Variants in RGS3 observed in about 807,000 individuals in gnomAD.
The protein encoded by RGS3 is regulator of G protein signaling 3.
RGS3 carries 80 observed loss-of-function variants against 132.6 expected under a neutral mutation model. The observed-to-expected ratio is 0.60, with a 90% confidence interval of 0.50 to 0.73. The LOEUF (loss-of-function observed/expected upper bound fraction) is 0.73, where lower values mean the gene tolerates loss of function less well. RGS3 is among the 30% of genes least tolerant of loss of function. The probability of loss-of-function intolerance (pLI) is 0.00; values close to 1 mark genes in which losing one functional copy is unlikely to be tolerated. For synonymous variants in RGS3, 598 were observed against 620.6 expected, an observed-to-expected ratio of 0.96 and a Z score of 0.54; for missense variants, 1,382 against 1,530.8, an observed-to-expected ratio of 0.90 and a Z score of 1.62.
At chr9:113,459,502 C>T (rs750402179), upstream of RGS3, among the ~76,000 whole-genome samples, 34 of 152,158 alleles carry the variant, frequency 2.2e-4, 1 homozygote, top group East Asian at 5.8e-4. Flanking sequence ...ATAATCCCAG[C>T]GCTGTGGGAG....
chr9:113,546,435 G>A (rs952525934), intron 19 of RGS3, among the ~76,000 whole-genome samples: 2 of 152,146 alleles, frequency 1.3e-5, no homozygotes, highest in African/African-American at 4.8e-5. Context: ...ATTTGTCTTT[G>A]ATTCTATTGT....
Position 113,508,587 on chromosome 9 carries a change from C to T in RGS3, c.1477+7C>T. On this transcript the variant is annotated splice_region_variant and intron_variant, in intron 14 of 24. Coordinates refer to ENST00000350696, the Ensembl canonical transcript of RGS3. The stretch of plus-strand genomic sequence containing the variant: ...GAGGATACCATCCCCGAAGGTGAGT[C>T]TCCTGCTGCTGCTGTGCCCTCCTAG... 3 of 1,611,774 alleles carry T rather than the reference C, an allele frequency of 1.9e-6. No homozygotes were observed. The highest frequency in any genetic ancestry group is 2.5e-6 in the Non-Finnish European group (3 of 1,179,976).
intron 19 of RGS3, among the ~76,000 whole-genome samples, chr9:113,540,793 T>C (rs1008390585): frequency 1.3e-5 from 2 of 152,206 alleles, no homozygotes; most frequent in African/African-American, 4.8e-5. Context: ...AGTAACACAG[T>C]AAGCAATGTG....
intron 7 of RGS3, among the ~76,000 whole-genome samples, chr9:113,486,624 G>A (rs753601600): frequency 1.2e-4 from 19 of 152,194 alleles, no homozygotes; most frequent in Non-Finnish European, 2.4e-4. Flanking sequence ...AGGAATCTGG[G>A]ATACCCCATG....
chr9:113,566,203 G>A (rs1316625173), intron 19 of RGS3, among the ~76,000 whole-genome samples: 1 of 152,124 alleles, frequency 6.6e-6, no homozygotes, highest in East Asian at 1.9e-4. Context: ...TAGTCTCAGC[G>A]GGTTGCCTTT....
intron 10 of RGS3, among the ~76,000 whole-genome samples, chr9:113,502,898 T>A (rs952670079): frequency 1.4e-4 from 21 of 152,274 alleles, no homozygotes; most frequent in African/African-American, 5.1e-4. Flanking sequence ...TATCTCCTAG[T>A]CAGTAAAATA....
At chr9:113,526,499 G>T (rs900119816) in intron 17 of RGS3, among the ~76,000 whole-genome samples, 1 of 152,184 alleles carries the variant, frequency 6.6e-6, no homozygotes, top group Non-Finnish European at 1.5e-5. Flanking sequence ...TCAAAGCTCG[G>T]CTTTGCCACT....
upstream of RGS3, among the ~76,000 whole-genome samples, chr9:113,459,244 T>G (rs1365607830): frequency 1.3e-5 from 2 of 152,244 alleles, no homozygotes; most frequent in Admixed American, 6.5e-5. Context: ...TTCTTGAAGA[T>G]CTTATAGAAT....
intron 1 of RGS3, among the ~76,000 whole-genome samples, chr9:113,461,193 G>C (rs890853574): frequency 6.6e-6 from 1 of 152,130 alleles, no homozygotes; most frequent in African/African-American, 2.4e-5. Flanking sequence ...TTGTTATCGT[G>C]TGTGGTATGA....
chr9:113,453,116 CATT>C lies in RGS3; in HGVS notation c.-12-7126_-12-7124del, dbSNP rs542509908. Among the ~76,000 whole-genome samples, 548 of 130,344 alleles carry C rather than the reference CATT, an allele frequency of 4.2e-3. 3 individuals are homozygous for C. Among genetic ancestry groups the C allele is most frequent in the African/African-American group, 0.013 (450 of 34,982 alleles). 85.5% of individuals were successfully genotyped at this position (130,344 alleles called of 152,430 possible). A position where few individuals can be genotyped will look rare whatever the true frequency, so the allele number is the denominator to read the frequency against. On this transcript the variant is annotated intron_variant, in intron 1 of 25. Coordinates refer to the RGS3 transcript ENST00000374140. ...TATATTTTATATAAATTTACATACT[CATT>C]ATATGATTATATAATATACTCATAT...
Position 113,594,439 on chromosome 9 carries a change from C to T in RGS3, c.3090C>T (p.Asp1030=), listed in dbSNP as rs760830525. Residue 1030 remains aspartate (D), a synonymous_variant, in exon 22 of 25, where the codon GAC becomes GAT. Transcript: ENST00000350696. ...CTGCTTCTGTCCCCAGAGCCAAGGA[C>T]ATGAAGAACAAGCTGGGGATCTTCA... The T allele has an allele frequency of 9.3e-6, 15 of 1,613,692 alleles. No individual in the cohort carries two copies. In the East Asian group the frequency reaches 3.1e-4, roughly 34 times the overall value.
chr9:113,586,399 C>T (rs1835120011), intron 20 of RGS3, among the ~76,000 whole-genome samples: 2 of 152,274 alleles, frequency 1.3e-5, no homozygotes, highest in Non-Finnish European at 2.9e-5. Flanking sequence ...TTCCCCAGCT[C>T]AGTTGACCTC....
rs1448668264 is a variant in RGS3 at position 113,579,034 on chromosome 9, G to A, written c.2038-4416G>A. ...CCAGTGCTCTGTCAGTAAAATCCTG[G>A]CTGTTAAGGGCCACCCTGAGACAGA... On this transcript the variant is annotated intron_variant, in intron 19 of 24. Coordinates refer to ENST00000350696, the Ensembl canonical transcript of RGS3. The surrounding 1 kb of genome is among the most constrained non-coding windows in gnomAD (Gnocchi z 4.3). 6.6e-6 allele frequency among the ~76,000 whole-genome samples: 1 copy of A among 152,106 alleles called. No individual in the cohort carries two copies.
intron 19 of RGS3, among the ~76,000 whole-genome samples, chr9:113,546,523 G>A (rs1406753375): frequency 6.6e-6 from 1 of 152,192 alleles, no homozygotes; most frequent in Non-Finnish European, 1.5e-5. Flanking sequence ...CTATATTCTA[G>A]AATTTAGACA....
At chr9:113,502,879 C>G (rs1167556563) in intron 10 of RGS3, among the ~76,000 whole-genome samples, 1 of 152,240 alleles carries the variant, frequency 6.6e-6, no homozygotes. Flanking sequence ...CTGTTCCTCT[C>G]TGAGCCTTTA....
intron 20 of RGS3, 143 bp downstream of exon 18, chr9:113,584,570 AGAT>A: frequency 3.2e-6 from 3 of 938,932 alleles, no homozygotes; most frequent in Non-Finnish European, 4.6e-6. Flanking sequence ...GTTGGACAGA[AGAT>A]AAAACTGAGG....
rs748655784 is a variant in RGS3, at chr9:113,482,999, C to G, written c.467-60C>G. ...GATATGTCTATGTGTGTCTCTCTTT[C>G]TCGCTGTGTGTGTGTGTATGTTTCC... On this transcript the variant is annotated intron_variant, in intron 4 of 24. Coordinates refer to ENST00000350696, the Ensembl canonical transcript of RGS3. 4.3e-6 allele frequency: 7 copies of G among 1,610,212 alleles called. No homozygotes were observed. The African/African-American group carries it at 9.4e-5, about 22-fold the overall frequency.
chr9:113,500,161 G>C (rs1253537527), intron 10 of RGS3, among the ~76,000 whole-genome samples: 1 of 152,246 alleles, frequency 6.6e-6, no homozygotes, highest in Non-Finnish European at 1.5e-5. Context: ...GGATTTTCCT[G>C]AACTTATGTG....
intron 3 of RGS3, among the ~76,000 whole-genome samples, chr9:113,469,230 A>G (rs1479234067): frequency 1.3e-5 from 2 of 152,078 alleles, no homozygotes; most frequent in African/African-American, 4.8e-5. Flanking sequence ...GTGCACGGTC[A>G]GGCCCTGAAC....
Sources: gnomAD v4.1 joint callset for allele counts (sites outside exome capture counted in the v4.1 genomes callset) on GRCh38, gnomAD v4.1.1 for gene constraint, Gnocchi (gnomAD v3.1) non-coding constraint, MANE v1.5 for transcripts, NCBI Gene and HGNC (gene_info 2026-07-23, HGNC 2026-07-21) for gene names.